SPAG9: variants seen among roughly 807,000 people sequenced by gnomAD.
SPAG9 encodes the protein sperm associated antigen 9.
A neutral mutation model predicts 166.5 loss-of-function variants in SPAG9; 35 were observed. The ratio of observed to expected loss-of-function variants is 0.21; its 90% CI spans 0.16 to 0.28. The LOEUF is 0.28. Ranked by LOEUF, SPAG9 falls within the 10% of genes least tolerant of loss-of-function variation. The pLI is 1.00. For synonymous variants in SPAG9, 534 were observed against 565.5 expected (o/e 0.94, Z 0.79); for missense variants, 1,235 against 1,603.3 (o/e 0.77, Z 3.92).
At chr17:51,106,033 G>C (rs1315089493) in intron 1 of SPAG9, among the ~76,000 whole-genome samples, 2 of 151,524 alleles carry the variant, frequency 1.3e-5, no homozygotes, top group Non-Finnish European at 2.9e-5. Context: ...GGGAAGCAGA[G>C]GCAGGAGGAT....
intron 2 of SPAG9, among the ~76,000 whole-genome samples, chr17:51,077,041 T>TCTAGCTAGCTATCTAGCTATCTAG (rs1219566936): frequency 1.0e-5 from 1 of 98,518 alleles, no homozygotes; most frequent in Non-Finnish European, 2.3e-5. Context: ...TATCTAGCTA[T>TCTAGCTAGCTATCTAGCTATCTAG]CTAGCTATCT....
intron 2 of SPAG9, among the ~76,000 whole-genome samples, chr17:51,074,698 T>C (rs1359043096): frequency 6.6e-6 from 1 of 152,196 alleles, no homozygotes; most frequent in African/African-American, 2.4e-5. Context: ...CAATTATTTT[T>C]AAATGATCTC....
Position 50,979,901 on chromosome 17 carries a change from T to A in SPAG9, c.3254A>T (p.His1085Leu), listed in dbSNP as rs758985568. ...TCGCACTTGGCTCTCCTTCCTGGGA[T>A]GTGCATCAAAAGATTTCTAGGAGAG... ...AMKIEKSFDAHPRKESQVRQL... is the reference protein window; with the variant it reads ...AMKIEKSFDALPRKESQVRQL... Residue 1085 changes from histidine to leucine, a missense_variant, in exon 26 of 30, where the codon CAT (histidine) becomes CTT (leucine). By Grantham distance (99) the His-to-Leu change is moderately conservative. Coordinates refer to ENST00000262013, the MANE Select transcript of SPAG9 (RefSeq NM_001130528.3). 1 of 1,613,086 alleles carries A rather than the reference T, an allele frequency of 6.2e-7. No individual in the cohort carries two copies. The highest frequency in any genetic ancestry group is 1.7e-5 in the Admixed American group (1 of 59,968).
At position 51,006,125 on chromosome 17, in the gene SPAG9, G is replaced by A; in HGVS notation, c.1384C>T (p.Leu462=). 6.2e-7 allele frequency: 1 copy of A among 1,614,172 alleles called. No individual in the cohort carries two copies. Among genetic ancestry groups the A allele is most frequent in the South Asian group, 1.1e-5 (1 of 91,088 alleles). The part of the protein sequence containing the change: ...LEAVKQAKLK[L]EEKNRELEEE... ...TCCAATTCTCTGTTCTTTTCCTCTA[G>A]TTTCAGTTTGGCTTGCTTCACAGCC... Residue 462 remains leucine, a synonymous_variant, in exon 11 of 30, where the codon CTA becomes TTA. Coordinates refer to ENST00000262013, the MANE Select transcript of SPAG9 (RefSeq NM_001130528.3).
intron 6 of SPAG9, among the ~76,000 whole-genome samples, chr17:51,022,485 T>C (rs1429894690): frequency 1.3e-5 from 2 of 152,136 alleles, no homozygotes; most frequent in African/African-American, 2.4e-5. Context: ...AAAAGAATCA[T>C]AGCTTTTATC....
chr17:51,049,726 A>C (rs930230710), intron 3 of SPAG9, among the ~76,000 whole-genome samples: 2 of 152,092 alleles, frequency 1.3e-5, no homozygotes, highest in African/African-American at 4.8e-5. Context: ...CCTCCCAAGT[A>C]GCTGGGTACT....
chr17:51,070,308 A>C (rs1189817534), intron 2 of SPAG9, among the ~76,000 whole-genome samples: 1 of 152,196 alleles, frequency 6.6e-6, no homozygotes, highest in Non-Finnish European at 1.5e-5. Flanking sequence ...CTGTGTGCTA[A>C]TATGCTGTAA....
intron 2 of SPAG9, among the ~76,000 whole-genome samples, chr17:51,064,111 A>G (rs1214164729): frequency 1.3e-5 from 2 of 152,174 alleles, no homozygotes; most frequent in African/African-American, 4.8e-5. Context: ...TACTTACTTA[A>G]GGCCCTTAAC....
intron 5 of SPAG9, among the ~76,000 whole-genome samples, chr17:51,038,883 T>C (rs919002687): frequency 2.6e-5 from 4 of 152,232 alleles, no homozygotes; most frequent in Admixed American, 6.5e-5. Context: ...AAATCAAGAA[T>C]ATGTACAAAT....
chr17:51,051,441 T>C (rs72826426), intron 3 of SPAG9, among the ~76,000 whole-genome samples: 1 of 151,776 alleles, frequency 6.6e-6, no homozygotes, highest in Non-Finnish European at 1.5e-5. Flanking sequence ...TCAGGGAGAC[T>C]GGGTGCTGTG....
At chr17:50,971,187 A>G (rs1973770760) in intron 28 of SPAG9, among the ~76,000 whole-genome samples, 1 of 151,996 alleles carries the variant, frequency 6.6e-6, no homozygotes, top group Non-Finnish European at 1.5e-5. Flanking sequence ...TGCGCCTGTA[A>G]TCCTGGCTTC....
intron 25 of SPAG9, among the ~76,000 whole-genome samples, chr17:50,980,536 T>C (rs1015535218): frequency 2.6e-5 from 4 of 151,852 alleles, no homozygotes; most frequent in Non-Finnish European, 4.4e-5. Context: ...GGATTTTGTG[T>C]TGTTGCAGAG....
chr17:51,100,353 C>T (rs1300739550), intron 1 of SPAG9, among the ~76,000 whole-genome samples: 1 of 151,736 alleles, frequency 6.6e-6, no homozygotes, highest in Non-Finnish European at 1.5e-5. Flanking sequence ...ACCTATAATC[C>T]CAGCACTTTG....
At chr17:51,097,980 G>T (rs2048692315) in intron 1 of SPAG9, among the ~76,000 whole-genome samples, 1 of 151,714 alleles carries the variant, frequency 6.6e-6, no homozygotes. Context: ...ATGCCACCAT[G>T]CTCAGCTAAT....
At position 51,077,061 on chromosome 17, in the gene SPAG9, TCTAGCTAG is replaced by T. The variant is rs1207956785; in HGVS notation, c.424+2515_424+2522del. ...AGCTATCTAGCTATCTAGCTAGCTA[TCTAGCTAG>T]CTATCTAGCTATCTAGCTAGCTATC... On this transcript the variant is annotated intron_variant, in intron 2 of 29. Transcript: ENST00000262013. Among the ~76,000 whole-genome samples, 138 of 109,696 alleles carry T rather than the reference TCTAGCTAG, an allele frequency of 1.3e-3. 2 individuals are homozygous for T. The highest frequency in any genetic ancestry group is 4.2e-3 in the Middle Eastern group (1 of 236). 72.0% of individuals were successfully genotyped at this position (109,696 alleles called of 152,430 possible). A position where few individuals can be genotyped will look rare whatever the true frequency, so the allele number is the denominator to read the frequency against.
Position 51,047,463 on chromosome 17 carries a change from G to A in SPAG9, c.502C>T (p.His168Tyr). The change falls in exon 4 of 30, where the codon CAT (histidine) becomes TAT (tyrosine). Residue 168 changes from histidine (H) to tyrosine (Y), a missense_variant. Coordinates refer to ENST00000262013, the MANE Select transcript of SPAG9 (RefSeq NM_001130528.3). ...CTTTCTAAATGTTCCATATAATTAT[G>A]GATCATCTATTTTAAAGAAAGAAAA... ...ALHQRHTEMIHNYMEHLERTK... is the reference protein window; with the variant it reads ...ALHQRHTEMIYNYMEHLERTK... 2.7e-6 allele frequency: 4 copies of A among 1,492,676 alleles called. No homozygotes were observed. Among genetic ancestry groups the A allele is most frequent in the Admixed American group, 1.9e-5 (1 of 51,934 alleles). The allele number at this position is 1,492,676 out of a possible 1,614,324, so 92.5% of individuals were successfully genotyped here.
Position 50,990,658 on chromosome 17 carries a change from T to G in SPAG9, c.2409A>C (p.Glu803Asp). ...LCIASVPGARETDYPAGEDLS... is the reference protein window; with the variant it reads ...LCIASVPGARDTDYPAGEDLS... ...GATCTTCTCCTGCAGGGTAGTCTGT[T>G]TCTCGTGCACCTGAAAAATAAATCT... Residue 803 changes from glutamate (E) to aspartate (D), a missense_variant, in exon 20 of 30, where the codon GAA (glutamate) becomes GAC (aspartate). By Grantham distance (45) the Glu-to-Asp change is conservative. Transcript: ENST00000262013. The G allele has an allele frequency of 6.2e-7, 1 of 1,613,906 alleles. No homozygotes were observed. Among genetic ancestry groups the G allele is most frequent in the South Asian group, 1.1e-5 (1 of 91,088 alleles).
chr17:51,035,610 G>A (rs983060596), intron 5 of SPAG9, among the ~76,000 whole-genome samples: 1 of 152,150 alleles, frequency 6.6e-6, no homozygotes, highest in African/African-American at 2.4e-5. Flanking sequence ...TGTTCTGCAT[G>A]CTAAGCACAT....
intron 9 of SPAG9, among the ~76,000 whole-genome samples, chr17:51,010,598 T>C (rs1312561153): frequency 6.8e-6 from 1 of 146,924 alleles, no homozygotes; most frequent in African/African-American, 2.5e-5. Context: ...TATATATATA[T>C]ATACATATAT....
Sources: gnomAD v4.1 joint callset for allele counts (sites outside exome capture counted in the v4.1 genomes callset) on GRCh38, gnomAD v4.1.1 for gene constraint, MANE v1.5 for transcripts, NCBI Gene and HGNC (gene_info 2026-07-23, HGNC 2026-07-21) for gene names.